LANCL3: variants seen among roughly 807,000 people sequenced by gnomAD.
LANCL3 encodes the protein lanC-like protein 3.
A neutral mutation model predicts 26.5 loss-of-function variants in LANCL3; 19 were observed. That is an observed-to-expected ratio of 0.72 (90% CI 0.50 to 1.05). The LOEUF is 1.05. Ranked by LOEUF, LANCL3 falls within the 50% of genes least tolerant of loss-of-function variation. The pLI, the probability that LANCL3 is intolerant of heterozygous loss-of-function variation, is 0.00. For missense variants in LANCL3, 318 were observed against 362.7 expected (o/e 0.88, Z 1.00); for synonymous variants, 160 against 166.6 (o/e 0.96, Z 0.30).
chrX:37,574,798 C>T (rs1351972270), intron 1 of LANCL3, among the ~76,000 whole-genome samples: 1 of 110,787 alleles, frequency 9.0e-6, no homozygotes, highest in Non-Finnish European at 1.9e-5. Context: ...GTTTTAGTTA[C>T]TTTCCTGTCT....
Position 37,676,537 on chromosome X carries a change from T to G in LANCL3, c.*724T>G, listed in dbSNP as rs1004723162. On this transcript the variant is annotated 3_prime_UTR_variant, in exon 5 of 5. Transcript: ENST00000378619. The stretch of plus-strand genomic sequence containing the variant: ...TAGCAAAATTTATAAGCTAGTAAAC[T>G]TATACTATAGCAAGTGTTGCTGTAA... 8.9e-6 allele frequency: 1 copy of G among 112,082 alleles called. No individual in the cohort carries two copies. Among genetic ancestry groups the G allele is most frequent in the Non-Finnish European group, 1.9e-5 (1 of 53,190 alleles). 9.2% of individuals were successfully genotyped at this position (112,082 alleles called of 1,213,427 possible).
intron 1 of LANCL3, among the ~76,000 whole-genome samples, chrX:37,601,429 C>A (rs1556420005): frequency 9.0e-6 from 1 of 111,214 alleles, no homozygotes; most frequent in Non-Finnish European, 1.9e-5. Flanking sequence ...TTACAGTAAA[C>A]TAACAAGAAT....
rs1233992544 is a variant in LANCL3 at position 37,678,335 on chromosome X, C to T, written c.*2522C>T. 9.1e-6 allele frequency: 1 copy of T among 110,352 alleles called. No individual in the cohort carries two copies. Among genetic ancestry groups the T allele is most frequent in the Non-Finnish European group, 1.9e-5 (1 of 52,590 alleles). 9.1% of individuals were successfully genotyped at this position (110,352 alleles called of 1,213,427 possible). A position where few individuals can be genotyped will look rare whatever the true frequency, so the allele number is the denominator to read the frequency against. On this transcript the variant is annotated 3_prime_UTR_variant, in exon 5 of 5. Transcript: ENST00000378619. The stretch of plus-strand genomic sequence containing the variant: ...ACTTCTTATTTAATTATCCAACTTG[C>T]CCCCCTTCTCTGTGGTAGCATTTTT...
At chrX:37,601,012 T>C (rs1393464426) in intron 1 of LANCL3, among the ~76,000 whole-genome samples, 1 of 112,137 alleles carries the variant, frequency 8.9e-6, no homozygotes, top group Non-Finnish European at 1.9e-5. Flanking sequence ...ACTCCTTTTA[T>C]GTCTATATAC....
chrX:37,574,773 A>G (rs1464659925), intron 1 of LANCL3, among the ~76,000 whole-genome samples: 1 of 109,638 alleles, frequency 9.1e-6, no homozygotes. Flanking sequence ...CTTCAACCAC[A>G]CTGGCCATCT....
In LANCL3 at chrX:37,607,022, A is replaced by G. The variant is rs782046470; in HGVS notation, c.573+34579A>G. 2.7e-5 allele frequency among the ~76,000 whole-genome samples: 3 copies of G among 112,386 alleles called. No individual in the cohort carries two copies. The South Asian group carries it at 1.1e-3, about 41-fold the overall frequency. On this transcript the variant is annotated intron_variant, in intron 1 of 4. Coordinates refer to ENST00000378619, the MANE Select transcript of LANCL3 (RefSeq NM_001170331.2). Reference sequence around the variant, plus strand: ...CATCCACAGTGCCTAGCACTGTGCTAAATAAATGCAACATTGCCTTTAAAC... The same window carrying G: ...CATCCACAGTGCCTAGCACTGTGCTGAATAAATGCAACATTGCCTTTAAAC...
intron 1 of LANCL3, among the ~76,000 whole-genome samples, chrX:37,613,723 T>C (rs1204410184): frequency 1.8e-5 from 2 of 112,714 alleles, no homozygotes; most frequent in African/African-American, 6.4e-5. Context: ...TCATGCCTTA[T>C]TGCTTGTAAT....
At chrX:37,587,630 C>G (rs1924140236) in intron 1 of LANCL3, among the ~76,000 whole-genome samples, 1 of 112,996 alleles carries the variant, frequency 8.8e-6, no homozygotes, top group South Asian at 3.6e-4. Flanking sequence ...GTGCCGTTTG[C>G]TAAGACCCTT....
At chrX:37,654,624 G>A (rs1392043110) in intron 1 of LANCL3, among the ~76,000 whole-genome samples, 4 of 111,731 alleles carry the variant, frequency 3.6e-5, no homozygotes, top group African/African-American at 6.5e-5. Context: ...ATCGTGGAGC[G>A]GAGGGAAAGA....
chrX:37,595,247 A>G (rs1213137813), intron 1 of LANCL3, among the ~76,000 whole-genome samples: 4 of 112,116 alleles, frequency 3.6e-5, no homozygotes, highest in African/African-American at 1.3e-4. Flanking sequence ...TGCTCAATAC[A>G]TATTTGCAGA....
At chrX:37,590,435 A>T (rs1190426826) in intron 1 of LANCL3, among the ~76,000 whole-genome samples, 1 of 112,085 alleles carries the variant, frequency 8.9e-6, no homozygotes, top group Non-Finnish European at 1.9e-5. Flanking sequence ...CTCAGAAATT[A>T]TTTTTTTCTT....
intron 1 of LANCL3, among the ~76,000 whole-genome samples, chrX:37,586,191 T>C (rs1430503694): frequency 3.6e-5 from 4 of 112,181 alleles, no homozygotes; most frequent in African/African-American, 9.8e-5. Flanking sequence ...GGCTTCCCTT[T>C]GTGGGTAACC....
intron 1 of LANCL3, among the ~76,000 whole-genome samples, chrX:37,632,669 C>T (rs1309556872): frequency 1.8e-5 from 2 of 110,646 alleles, no homozygotes; most frequent in Non-Finnish European, 3.8e-5. Context: ...AATCTCTCAG[C>T]ATTTGCTTGT....
At position 37,625,819 on chromosome X, in the gene LANCL3, C is replaced by G. The variant is rs374441204; in HGVS notation, c.574-29869C>G. ...GAGGTGTTGTACTAGTCAATTCTTG[C>G]TTTGTAACAATCCAAAATCTCAATG... is the stretch of plus-strand genomic sequence containing the variant. On this transcript the variant is annotated intron_variant, in intron 1 of 4. Coordinates refer to ENST00000378619, the MANE Select transcript of LANCL3 (RefSeq NM_001170331.2). Among the ~76,000 whole-genome samples, 60 of 111,358 alleles carry G rather than the reference C, an allele frequency of 5.4e-4. No individual in the cohort carries two copies. In the East Asian group the frequency reaches 0.015, roughly 27 times the overall value.
intron 1 of LANCL3, among the ~76,000 whole-genome samples, chrX:37,621,748 T>C (rs1317479163): frequency 1.8e-5 from 2 of 112,004 alleles, no homozygotes; most frequent in African/African-American, 6.5e-5. Flanking sequence ...GTGGCCCACC[T>C]TAGTTAATCA....
In LANCL3 at chrX:37,683,151, A is replaced by G. The variant is rs1556438893; in HGVS notation, c.*7338A>G. On this transcript the variant is annotated 3_prime_UTR_variant, in exon 5 of 5. Transcript: ENST00000378619. ...AAAAGCTTTTTTGGCATAAATCACAATACTTACAGAAATATAATTGTATCA... is the reference window on the plus strand; with the variant it reads ...AAAAGCTTTTTTGGCATAAATCACAGTACTTACAGAAATATAATTGTATCA... The G allele has an allele frequency of 8.9e-6, 1 of 111,770 alleles. No homozygotes were observed. Among genetic ancestry groups the G allele is most frequent in the Non-Finnish European group, 1.9e-5 (1 of 53,102 alleles). The allele number at this position is 111,770 out of a possible 1,213,427, so 9.2% of individuals were successfully genotyped here.
At chrX:37,652,280 C>T (rs1556429285) in intron 1 of LANCL3, among the ~76,000 whole-genome samples, 1 of 110,795 alleles carries the variant, frequency 9.0e-6, no homozygotes, top group African/African-American at 3.3e-5. Context: ...GTGGTTTGGT[C>T]CTTTTTATTG....
At chrX:37,603,141 A>G (rs1924617326) in intron 1 of LANCL3, among the ~76,000 whole-genome samples, 1 of 112,563 alleles carries the variant, frequency 8.9e-6, no homozygotes, top group Non-Finnish European at 1.9e-5. Context: ...TCAAGAGATT[A>G]GTTCTTACTA....
At chrX:37,594,673 A>G (rs1474419377) in intron 1 of LANCL3, among the ~76,000 whole-genome samples, 1 of 112,178 alleles carries the variant, frequency 8.9e-6, no homozygotes, top group East Asian at 2.8e-4. Context: ...TTATACCAAT[A>G]AATGTTGACT....
Sources: gnomAD v4.1 joint callset for allele counts (sites outside exome capture counted in the v4.1 genomes callset) on GRCh38, gnomAD v4.1.1 for gene constraint, MANE v1.5 for transcripts, NCBI Gene and HGNC (gene_info 2026-07-23, HGNC 2026-07-21) for gene names.